ALDH18A1: variants seen among roughly 807,000 people sequenced by gnomAD.
ALDH18A1 encodes delta-1-pyrroline-5-carboxylate synthase.
Under a neutral mutation model 88.8 loss-of-function variants are expected in ALDH18A1, and 44 were observed. That is an observed-to-expected ratio of 0.50 (90% CI 0.39 to 0.64). ALDH18A1 has a LOEUF of 0.64. ALDH18A1 is among the 30% of genes least tolerant of loss of function. The pLI is 0.00. For synonymous variants in ALDH18A1, 331 were observed against 372.1 expected (o/e 0.89, Z 1.27); for missense variants, 782 against 1,009.5 (o/e 0.77, Z 3.05).
chr10:95,616,446 G>A (rs1223300308), intron 13 of ALDH18A1, 31 bp downstream of exon 13: 1 of 1,554,308 alleles, frequency 6.4e-7, no homozygotes, highest in Admixed American at 2.0e-5. Context: ...GGCCCCTCTG[G>A]GCCTGACTTG....
At chr10:95,655,778 TCAG>T (rs2097917117) in intron 1 of ALDH18A1, among the ~76,000 whole-genome samples, 1 of 152,132 alleles carries the variant, frequency 6.6e-6, no homozygotes, top group African/African-American at 2.4e-5. Flanking sequence ...CTCCATATCA[TCAG>T]TTGAAGAAAG....
chr10:95,628,400 A>C lies in ALDH18A1; in HGVS notation c.901T>G (p.Ser301Ala), dbSNP rs775972299. The C allele has an allele frequency of 6.2e-7, 1 of 1,614,136 alleles. No homozygotes were observed. The highest frequency in any genetic ancestry group is 1.1e-5 in the South Asian group (1 of 91,088). ...DQQSVTFGTK[S>A]RVGMGGMEAK... ...TCCATGCCACCCATTCCCACTCTAG[A>C]CTTGGTTCCAAATGTCACAGACTGC... The change falls in exon 8 of 18, where the codon TCT becomes GCT. Residue 301 changes from serine (S) to alanine (A), a missense_variant. By Grantham distance (99) the Ser-to-Ala change is moderately conservative. This residue lies in a region of ALDH18A1 where 556 missense variants were observed against 654.5 expected (regional missense o/e 0.85). Transcript: ENST00000371224.
intron 13 of ALDH18A1, among the ~76,000 whole-genome samples, chr10:95,614,516 T>C (rs1316210322): frequency 1.3e-5 from 2 of 152,182 alleles, no homozygotes; most frequent in East Asian, 3.9e-4. Context: ...AAGGGGTATC[T>C]ATGGAGGTTA....
chr10:95,638,983 T>C (rs934106751), intron 3 of ALDH18A1, among the ~76,000 whole-genome samples: 1 of 151,922 alleles, frequency 6.6e-6, no homozygotes, highest in East Asian at 1.9e-4. Flanking sequence ...AGCAACCCCC[T>C]GACCTCAGCC....
intron 6 of ALDH18A1, 37 bp from the exon 7 acceptor site, chr10:95,633,086 T>A (rs1397019377): frequency 6.4e-7 from 1 of 1,554,998 alleles, no homozygotes; most frequent in Non-Finnish European, 8.9e-7. Flanking sequence ...GTGAGTGAGC[T>A]AAGCAGTCCA....
At chr10:95,611,510 C>A (rs2097834417) in intron 15 of ALDH18A1, 68 bp from the exon 16 acceptor site, 1 of 1,573,626 alleles carries the variant, frequency 6.4e-7, no homozygotes, top group African/African-American at 1.3e-5. Context: ...TAGGATAGAA[C>A]AGAAAGGTGA....
chr10:95,644,965 C>T (rs999812384), intron 2 of ALDH18A1, among the ~76,000 whole-genome samples: 1 of 152,196 alleles, frequency 6.6e-6, no homozygotes, highest in Non-Finnish European at 1.5e-5. Flanking sequence ...GGCTGCTAGG[C>T]TTCCTTCAGG....
At chr10:95,655,509 T>C (rs1190850239) in intron 1 of ALDH18A1, among the ~76,000 whole-genome samples, 1 of 151,814 alleles carries the variant, frequency 6.6e-6, no homozygotes, top group Non-Finnish European at 1.5e-5. Flanking sequence ...ACCTCTCTAT[T>C]AACCAAGAGT....
In ALDH18A1 at chr10:95,633,679, T is replaced by C. The variant is rs772955612; in HGVS notation, c.559-30A>G. On this transcript the variant is annotated intron_variant, in intron 5 of 17. Coordinates refer to ENST00000371224, the MANE Select transcript of ALDH18A1 (RefSeq NM_002860.4). ...AAGGATTAAATAGATGGAAAATGCA[T>C]GAGGGAGAAAAACGCTAAACTTCCC... The C allele has an allele frequency of 4.3e-6, 7 of 1,612,882 alleles. No individual in the cohort carries two copies. In the South Asian group the frequency reaches 5.5e-5, roughly 13 times the overall value.
chr10:95,630,178 A>C (rs993575733), intron 7 of ALDH18A1, among the ~76,000 whole-genome samples: 1 of 152,138 alleles, frequency 6.6e-6, no homozygotes, highest in Non-Finnish European at 1.5e-5. Context: ...TGGCATGATC[A>C]CAGTTGACTG....
chr10:95,635,926 T>C (rs2097879777), intron 5 of ALDH18A1, among the ~76,000 whole-genome samples: 1 of 152,172 alleles, frequency 6.6e-6, no homozygotes, highest in Non-Finnish European at 1.5e-5. Flanking sequence ...AAAGTTGTCA[T>C]TGGACTGTGA....
At chr10:95,636,999 G>C in intron 5 of ALDH18A1, 94 bp downstream of exon 5, 1 of 1,150,036 alleles carries the variant, frequency 8.7e-7, no homozygotes, top group Non-Finnish European at 1.3e-6. Context: ...TGATGAAGCT[G>C]ACACCATATT....
chr10:95,616,591 A>C lies in ALDH18A1; in HGVS notation c.1491T>G (p.Ser497Arg), dbSNP rs1462066602. The C allele has an allele frequency of 6.2e-7, 1 of 1,607,258 alleles. No homozygotes were observed. The highest frequency in any genetic ancestry group is 1.7e-5 in the Admixed American group (1 of 59,074). ...LPQVAALAIASGNGLLLKGGK... is the reference protein window; with the variant it reads ...LPQVAALAIARGNGLLLKGGK... ...CTCCTTTGAGTAACAAGCCATTGCC[A>C]CTTGCGATAGCCAAAGCTGCCACCT... Residue 497 changes from serine (S) to arginine (R), a missense_variant, in exon 13 of 18, where the codon AGT becomes AGG. This residue lies in a region of ALDH18A1 where 556 missense variants were observed against 654.5 expected (regional missense o/e 0.85). Coordinates refer to ENST00000371224, the MANE Select transcript of ALDH18A1 (RefSeq NM_002860.4).
intron 7 of ALDH18A1, among the ~76,000 whole-genome samples, chr10:95,629,744 C>T (rs2097865349): frequency 6.6e-6 from 1 of 151,894 alleles, no homozygotes; most frequent in Non-Finnish European, 1.5e-5. Context: ...TTCCCCTTAC[C>T]CCACCAAGAG....
At chr10:95,628,640 C>G in intron 7 of ALDH18A1, 148 bp from the exon 8 acceptor site, 2 of 921,036 alleles carry the variant, frequency 2.2e-6, no homozygotes, top group Non-Finnish European at 3.3e-6. Flanking sequence ...AAAAAGAGAA[C>G]AAGGGATTCG....
Position 95,625,565 on chromosome 10 carries a change from C to T in ALDH18A1, c.1153-110G>A, listed in dbSNP as rs559284805. The T allele has an allele frequency of 1.6e-4, 136 of 841,300 alleles. 2 individuals carry two copies. The highest frequency in any genetic ancestry group is 1.1e-3 in the South Asian group (80 of 71,926). 52.1% of individuals were successfully genotyped at this position (841,300 alleles called of 1,614,324 possible). On this transcript the variant is annotated intron_variant, in intron 10 of 17. Coordinates refer to ENST00000371224, the MANE Select transcript of ALDH18A1 (RefSeq NM_002860.4). Reference sequence around the variant, plus strand: ...GAGTGCCAGGCCTTGCTCCCACATCCACGGTCATCACCAGTTGAAATCTCC... The same window carrying T: ...GAGTGCCAGGCCTTGCTCCCACATCTACGGTCATCACCAGTTGAAATCTCC...
chr10:95,652,060 T>G (rs1303743670), intron 2 of ALDH18A1, among the ~76,000 whole-genome samples: 2 of 152,234 alleles, frequency 1.3e-5, no homozygotes, highest in African/African-American at 4.8e-5. Flanking sequence ...AGGAACTAAC[T>G]GATACACACA....
intron 7 of ALDH18A1, among the ~76,000 whole-genome samples, chr10:95,632,418 T>C (rs2139606127): frequency 6.6e-6 from 1 of 152,324 alleles, no homozygotes; most frequent in East Asian, 1.9e-4. Context: ...CAGGCTGGAG[T>C]GCAGTGGCAC....
chr10:95,627,047 C>T (rs1312154331), intron 9 of ALDH18A1, among the ~76,000 whole-genome samples: 2 of 152,144 alleles, frequency 1.3e-5, no homozygotes, highest in African/African-American at 2.4e-5. Context: ...CTTCTGAATT[C>T]CACTTTGGCG....
Sources: allele counts gnomAD v4.1 joint callset (sites outside exome capture counted in the v4.1 genomes callset), GRCh38; gene constraint gnomAD v4.1.1; regional missense constraint gnomAD v4.1.1; transcripts MANE v1.5; gene names NCBI Gene and HGNC (gene_info 2026-07-23, HGNC 2026-07-21).